Variants in TMEM233 observed in about 807,000 individuals in gnomAD.
TMEM233 encodes the protein dispanin subfamily B member 2.
TMEM233 carries 6 observed loss-of-function variants against 11.2 expected under a neutral mutation model. The observed-to-expected ratio is 0.54, with a 90% CI of 0.29 to 1.06. The LOEUF is 1.06. TMEM233 is among the 50% of genes least tolerant of loss of function. TMEM233 has a pLI of 0.08. For missense variants in TMEM233, 127 were observed against 144.7 expected (o/e 0.88, Z 0.63); for synonymous variants, 59 against 55.8 (o/e 1.06, Z -0.26).
intron 1 of TMEM233, among the ~76,000 whole-genome samples, chr12:119,614,917 C>T (rs1256708517): frequency 6.6e-6 from 1 of 152,026 alleles, no homozygotes; most frequent in African/African-American, 2.4e-5. Context: ...AATATAGCTC[C>T]TGGCTTCCCC....
chr12:119,602,163 C>G (rs1226677331), intron 1 of TMEM233, among the ~76,000 whole-genome samples: 1 of 152,128 alleles, frequency 6.6e-6, no homozygotes, highest in Non-Finnish European at 1.5e-5. Context: ...CCATCTGACC[C>G]GAGCTCCACC....
intron 1 of TMEM233, among the ~76,000 whole-genome samples, chr12:119,601,384 C>T (rs112809346): frequency 2.0e-5 from 3 of 152,040 alleles, no homozygotes; most frequent in Non-Finnish European, 4.4e-5. Flanking sequence ...AGGCCAGGTG[C>T]GGTGGCTCAA....
At chr12:119,621,356 AT>A (rs1019729185) in intron 1 of TMEM233, among the ~76,000 whole-genome samples, 1 of 151,872 alleles carries the variant, frequency 6.6e-6, no homozygotes, top group African/African-American at 2.4e-5. Flanking sequence ...AATTTTTAAA[AT>A]TTTTTGTAGA....
intron 2 of TMEM233, chr12:119,634,254 C>G (rs182984174): frequency 3.0e-6 from 3 of 985,130 alleles, no homozygotes; most frequent in Non-Finnish European, 3.6e-6. Context: ...TTAGAGGAGT[C>G]GAAGCCTGAA....
At chr12:119,602,741 C>T (rs1954192775) in intron 1 of TMEM233, among the ~76,000 whole-genome samples, 1 of 152,294 alleles carries the variant, frequency 6.6e-6, no homozygotes, top group Admixed American at 6.5e-5. Context: ...AGATGTAAAT[C>T]TGTGTGCTCC....
Position 119,640,766 on chromosome 12 carries a change from A to G in TMEM233, c.*61A>G, listed in dbSNP as rs1191299577. 1 of 1,544,614 alleles carries G rather than the reference A, an allele frequency of 6.5e-7. No homozygotes were observed. The highest frequency in any genetic ancestry group is 8.8e-7 in the Non-Finnish European group (1 of 1,141,840). On this transcript the variant is annotated 3_prime_UTR_variant, in exon 3 of 3. Transcript: ENST00000426426. The stretch of plus-strand genomic sequence containing the variant: ...TGGACCTCATCCACACACACCCCAA[A>G]GGAGTTTCTAAGGAATGGATCCTTG...
rs1286498376 is a variant in TMEM233 at position 119,593,872 on chromosome 12, G to T, written c.24G>T (p.Pro8=). The T allele has an allele frequency of 1.3e-6, 2 of 1,551,540 alleles. No homozygotes were observed. Among genetic ancestry groups the T allele is most frequent in the South Asian group, 2.4e-5 (2 of 84,068 alleles). ...CCATGTCTCAGTACGCCCCTAGCCC[G>T]GACTTCAAGAGGGCTTTGGACAGCA... MSQYAPS[P]DFKRALDSSP... Residue 8 remains proline (P), a synonymous_variant, in exon 1 of 3, where the codon CCG becomes CCT. Coordinates refer to ENST00000426426, the MANE Select transcript of TMEM233 (RefSeq NM_001136534.3). This position sits in a 1 kb window ranked among gnomAD's most constrained non-coding sequence, Gnocchi z 4.1.
At chr12:119,605,677 C>G (rs932449313) in intron 1 of TMEM233, among the ~76,000 whole-genome samples, 1 of 152,030 alleles carries the variant, frequency 6.6e-6, no homozygotes. Flanking sequence ...GATCTACCCC[C>G]CTCAGCCTCC....
At chr12:119,608,534 G>T (rs1172619736) in intron 1 of TMEM233, among the ~76,000 whole-genome samples, 1 of 152,188 alleles carries the variant, frequency 6.6e-6, no homozygotes, top group Admixed American at 6.5e-5. Context: ...GACAGAGAAA[G>T]CCTGGGCCTC....
chr12:119,651,721 G>A, the TMEM233 span, among the ~76,000 whole-genome samples: 3 of 151,624 alleles, frequency 2.0e-5, no homozygotes, highest in African/African-American at 7.3e-5. Context: ...CAGCTACTCG[G>A]GAGGCTGAGG....
chr12:119,608,601 T>G (rs1347231842), intron 1 of TMEM233, among the ~76,000 whole-genome samples: 3 of 152,170 alleles, frequency 2.0e-5, no homozygotes, highest in African/African-American at 7.2e-5. Context: ...GTTAAGAAGC[T>G]GGTTGGGGTG....
At chr12:119,637,923 G>A (rs1233194248) in intron 2 of TMEM233, among the ~76,000 whole-genome samples, 3 of 152,164 alleles carry the variant, frequency 2.0e-5, no homozygotes, top group Non-Finnish European at 4.4e-5. Flanking sequence ...CAATTAAAAA[G>A]ATGGGTAATA....
chr12:119,606,314 AACAGAGACAGAG>A (rs67494761), intron 1 of TMEM233, among the ~76,000 whole-genome samples: 11 of 150,886 alleles, frequency 7.3e-5, no homozygotes, highest in Non-Finnish European at 1.5e-4. Flanking sequence ...GAAAGAAAGA[AACAGAGACAGAG>A]ACAGAGACAG....
chr12:119,607,837 C>T (rs990677259), intron 1 of TMEM233, among the ~76,000 whole-genome samples: 2 of 152,026 alleles, frequency 1.3e-5, no homozygotes, highest in African/African-American at 4.8e-5. Flanking sequence ...TCTCCCACCT[C>T]GGCCTCTCAA....
At chr12:119,607,714 C>G (rs1954311979) in intron 1 of TMEM233, among the ~76,000 whole-genome samples, 1 of 151,716 alleles carries the variant, frequency 6.6e-6, no homozygotes, top group Admixed American at 6.6e-5. Context: ...GCCCAAGCGA[C>G]CCTCCTGCCC....
At chr12:119,644,990 G>C (rs1955132974), downstream of TMEM233, among the ~76,000 whole-genome samples, 1 of 152,192 alleles carries the variant, frequency 6.6e-6, no homozygotes, top group Admixed American at 6.5e-5. Context: ...TGCCCAGACA[G>C]AGGCATAAAC....
intron 2 of TMEM233, chr12:119,631,089 C>G (rs928325662): frequency 5.9e-5 from 9 of 152,346 alleles, no homozygotes; most frequent in African/African-American, 2.2e-4. Flanking sequence ...ATAGGCAACT[C>G]AGACCCAGAA....
At position 119,618,599 on chromosome 12, in the gene TMEM233, A is replaced by G. The variant is rs11064851; in HGVS notation, c.187-11137A>G. ...ACCTGGATGTGAGACATGGAGTCAA[A>G]GGGGATCATTTTGGAAATTTAATGT... On this transcript the variant is annotated intron_variant, in intron 1 of 2. Coordinates refer to ENST00000426426, the MANE Select transcript of TMEM233 (RefSeq NM_001136534.3). Among the ~76,000 whole-genome samples the G allele has an allele frequency of 1.2e-4, 18 of 152,356 alleles. No individual in the cohort carries two copies. In the East Asian group the frequency reaches 3.5e-3, roughly 29 times the overall value.
At position 119,642,837 on chromosome 12, in the gene TMEM233, T is replaced by C. The variant is rs949028908; in HGVS notation, c.*2132T>C. The C allele has an allele frequency of 1.1e-4, 16 of 151,946 alleles. No homozygotes were observed. The highest frequency in any genetic ancestry group is 3.6e-4 in the African/African-American group (15 of 41,360). 9.4% of individuals were successfully genotyped at this position (151,946 alleles called of 1,614,324 possible). A position where few individuals can be genotyped will look rare whatever the true frequency, so the allele number is the denominator to read the frequency against. ...ATTCTGATGAACATCAGATTCAACC[T>C]GTCATTTTACCCGGATGTTGTGATG... On this transcript the variant is annotated 3_prime_UTR_variant, in exon 3 of 3. Coordinates refer to ENST00000426426, the MANE Select transcript of TMEM233 (RefSeq NM_001136534.3).
Sources: allele counts gnomAD v4.1 joint callset (sites outside exome capture counted in the v4.1 genomes callset), GRCh38; gene constraint gnomAD v4.1.1; non-coding constraint Gnocchi (gnomAD v3.1); transcripts MANE v1.5; gene names NCBI Gene and HGNC (gene_info 2026-07-23, HGNC 2026-07-21).